MYO18B: variants seen among roughly 807,000 people sequenced by gnomAD.
MYO18B encodes the protein myosin XVIIIB, also known as unconventional myosin-XVIIIb.
A neutral mutation model predicts 273.0 loss-of-function variants in MYO18B; 204 were observed. The observed-to-expected ratio is 0.75, with a 90% CI of 0.67 to 0.84. The LOEUF is 0.84. Ranked by LOEUF, MYO18B falls within the 40% of genes least tolerant of loss-of-function variation. The pLI is 0.00. For missense variants in MYO18B, 3,212 were observed against 3,287.6 expected, an observed-to-expected ratio of 0.98 and a Z score of 0.56; for synonymous variants, 1,330 against 1,305.7, an observed-to-expected ratio of 1.02 and a Z score of -0.40.
intron 18 of MYO18B, 103 bp from the exon 19 acceptor site, chr22:25,845,997 A>C (rs1335147400): frequency 7.6e-6 from 8 of 1,053,120 alleles, no homozygotes; most frequent in Admixed American, 6.9e-5. Context: ...TAGGAAGCCG[A>C]GGAGCAGGAA....
chr22:25,990,724 AAAG>A (rs1415332265), intron 39 of MYO18B, among the ~76,000 whole-genome samples: 5 of 44,440 alleles, frequency 1.1e-4, no homozygotes, highest in Non-Finnish European at 2.0e-4. Flanking sequence ...AAAAAAAGAA[AAAG>A]AAAAAAAAAA....
At chr22:25,900,508 G>A (rs1363707071) in intron 29 of MYO18B, 1 of 152,482 alleles carries the variant, frequency 6.6e-6, no homozygotes, top group African/African-American at 2.4e-5. Context: ...GCCTGGGATG[G>A]TTTCATTTTG....
At chr22:25,773,545 G>GCTCAC (rs2086803119) in intron 7 of MYO18B, among the ~76,000 whole-genome samples, 1 of 152,086 alleles carries the variant, frequency 6.6e-6, no homozygotes, top group Non-Finnish European at 1.5e-5. Flanking sequence ...CTCACTGCAA[G>GCTCAC]CGCCGCCTCC....
chr22:25,835,242 A>G, intron 16 of MYO18B, 54 bp from the exon 17 acceptor site: 2 of 1,571,444 alleles, frequency 1.3e-6, no homozygotes, highest in Non-Finnish European at 1.7e-6. Context: ...GAAGCCCAAG[A>G]CAGGCTTCTG....
chr22:25,851,529 C>T lies in MYO18B; in HGVS notation c.3835C>T (p.Pro1279Ser). 1.3e-6 allele frequency: 2 copies of T among 1,561,568 alleles called. No homozygotes were observed. The highest frequency in any genetic ancestry group is 1.7e-6 in the Non-Finnish European group (2 of 1,152,422). Reference protein sequence around the residue: ...FRRQFQVLDAPLLKKLMSTSE... With the variant: ...FRRQFQVLDASLLKKLMSTSE... ...CCGGCAATTCCAGGTGCTGGACGCTCCACTCCTGAAGAAGCTCATGTCGAC... is the reference window on the plus strand; with the variant it reads ...CCGGCAATTCCAGGTGCTGGACGCTTCACTCCTGAAGAAGCTCATGTCGAC... Residue 1279 changes from proline (P) to serine (S), a missense_variant, in exon 21 of 44, where the codon CCA (proline) becomes TCA (serine). Coordinates refer to ENST00000335473, the MANE Select transcript of MYO18B (RefSeq NM_032608.7).
intron 1 of MYO18B, among the ~76,000 whole-genome samples, 153 bp from the exon 2 acceptor site, chr22:25,760,831 C>T (rs2086287882): frequency 6.6e-6 from 1 of 152,216 alleles, no homozygotes; most frequent in Non-Finnish European, 1.5e-5. Context: ...CCTGACCATC[C>T]TCCTTGCAGA....
chr22:25,866,784 C>CA (rs56260207), intron 21 of MYO18B, among the ~76,000 whole-genome samples: 4,174 of 39,950 alleles, frequency 0.1, 699 homozygotes, highest in Non-Finnish European at 0.18. Context: ...GACTCCGTCT[C>CA]AAAAAAAAAA....
intron 18 of MYO18B, among the ~76,000 whole-genome samples, chr22:25,844,124 C>T (rs2090166003): frequency 6.6e-6 from 1 of 152,168 alleles, no homozygotes; most frequent in African/African-American, 2.4e-5. Context: ...GGAGGTGGAA[C>T]AAAAGCTAAA....
intron 29 of MYO18B, among the ~76,000 whole-genome samples, chr22:25,901,806 G>GTTTTTTTTTTTTTTTTT: frequency 1.1e-5 from 1 of 92,198 alleles, no homozygotes; most frequent in Non-Finnish European, 2.0e-5. Flanking sequence ...TTTTGGGTTG[G>GTTTTTTTTTTTTTTTTT]TTTTTTTTTT....
At chr22:25,948,459 CTTCTTTCT>C (rs1158700194) in intron 36 of MYO18B, among the ~76,000 whole-genome samples, 15 of 67,722 alleles carry the variant, frequency 2.2e-4, no homozygotes, top group East Asian at 9.3e-4. Flanking sequence ...TCCTTCCTTC[CTTCTTTCT>C]TTCTTTCTTT....
intron 34 of MYO18B, among the ~76,000 whole-genome samples, chr22:25,941,498 C>A (rs755133522): frequency 1.3e-5 from 2 of 152,200 alleles, no homozygotes; most frequent in African/African-American, 4.8e-5. Context: ...GCCAGTGTTG[C>A]GCCACTGAAG....
chr22:25,780,292 C>T (rs567485285), intron 9 of MYO18B, 94 bp downstream of exon 9: 1 of 1,412,308 alleles, frequency 7.1e-7, no homozygotes, highest in African/African-American at 1.4e-5. Flanking sequence ...AGCTGGGACT[C>T]TAGGATGTGT....
chr22:25,829,034 G>C lies in MYO18B; in HGVS notation c.2979+66G>C. On this transcript the variant is annotated intron_variant, in intron 15 of 43. Transcript: ENST00000335473. Reference sequence around the variant, plus strand: ...GGATGGTGTAAGGTCAGATGGGAAGGGGTGGGATTCCCATTCCCCAGGAGC... The same window carrying C: ...GGATGGTGTAAGGTCAGATGGGAAGCGGTGGGATTCCCATTCCCCAGGAGC... 3.3e-6 allele frequency: 5 copies of C among 1,527,828 alleles called. 1 individual carries two copies. In the South Asian group the frequency reaches 3.6e-5, roughly 11 times the overall value. The allele number at this position is 1,527,828 out of a possible 1,614,324, so 94.6% of individuals were successfully genotyped here. A position where few individuals can be genotyped will look rare whatever the true frequency, so the allele number is the denominator to read the frequency against.
chr22:25,876,389 C>T (rs1236465760), intron 24 of MYO18B, 57 bp downstream of exon 24: 4 of 1,530,872 alleles, frequency 2.6e-6, no homozygotes, highest in Non-Finnish European at 3.5e-6. Flanking sequence ...CCTGCTCCTC[C>T]TGTTTGCATC....
rs181723279 is a variant in MYO18B at position 25,940,057 on chromosome 22, A to G, written c.5518-6080A>G. Among the ~76,000 whole-genome samples the G allele has an allele frequency of 2.9e-3, 440 of 152,360 alleles. 2 individuals are homozygous for G. The highest frequency in any genetic ancestry group is 2.7e-3 in the Admixed American group (41 of 15,312). ...GGCATCTCCTAGGCTTGTACAGTGC[A>G]CAACTGATACAGCTGTACTCAGCAG... On this transcript the variant is annotated intron_variant, in intron 34 of 43. Transcript: ENST00000335473.
In MYO18B at chr22:25,768,720, C is replaced by G. The variant is rs557337869; in HGVS notation, c.804C>G (p.Pro268=). Residue 268 remains proline, a synonymous_variant, in exon 4 of 44, where the codon CCC becomes CCG. Transcript: ENST00000335473. ...GCAAAGACAGGCAGGGGACCAGGCCCCAAGCCCAAGGGCCCGGCGAGGGGG... is the reference window on the plus strand; with the variant it reads ...GCAAAGACAGGCAGGGGACCAGGCCGCAAGCCCAAGGGCCCGGCGAGGGGG... ...PQGKDRQGTR[P]QAQGPGEGVR... is the part of the protein sequence containing the mutation. 6.3e-7 allele frequency: 1 copy of G among 1,590,178 alleles called. No homozygotes were observed. Among genetic ancestry groups the G allele is most frequent in the East Asian group, 2.3e-5 (1 of 44,386 alleles).
chr22:25,760,425 A>C (rs868667459), intron 1 of MYO18B, among the ~76,000 whole-genome samples: 11 of 149,960 alleles, frequency 7.3e-5, no homozygotes, highest in African/African-American at 1.7e-4. Context: ...AAAAAAAAAA[A>C]AAAAAAAAAC....
intron 35 of MYO18B, among the ~76,000 whole-genome samples, chr22:25,947,193 C>A (rs2092722018): frequency 6.6e-6 from 1 of 151,780 alleles, no homozygotes; most frequent in African/African-American, 2.4e-5. Context: ...GATCACCAGG[C>A]ACACATACAA....
intron 9 of MYO18B, 58 bp from the exon 10 acceptor site, chr22:25,781,676 C>A: frequency 1.8e-6 from 2 of 1,105,828 alleles, no homozygotes; most frequent in Non-Finnish European, 2.4e-6. Flanking sequence ...AGCTGCACTT[C>A]AGGCATGTGC....
Sources: allele counts gnomAD v4.1 joint callset (sites outside exome capture counted in the v4.1 genomes callset), GRCh38; gene constraint gnomAD v4.1.1; transcripts MANE v1.5; gene names NCBI Gene and HGNC (gene_info 2026-07-23, HGNC 2026-07-21).